DNAH1: variants seen among roughly 807,000 people sequenced by gnomAD.
The protein encoded by DNAH1 is dynein axonemal heavy chain 1, also known as axonemal beta dynein heavy chain 1.
In DNAH1, 327 loss-of-function variants were observed where a neutral mutation model predicts 484.3. The observed-to-expected ratio is 0.68, with a 90% CI of 0.62 to 0.74. The LOEUF (loss-of-function observed/expected upper bound fraction) is 0.74. DNAH1 is among the 30% of genes least tolerant of loss of function. The pLI is 0.00. For missense variants in DNAH1, 5,052 were observed against 5,546.8 expected, an observed-to-expected ratio of 0.91 and a Z score of 2.83; for synonymous variants, 2,192 against 2,191.9, an observed-to-expected ratio of 1.00 and a Z score of 0.00.
chr3:52,397,023 C>T lies in DNAH1; in HGVS notation c.11766C>T (p.Ile3922=). 1 of 1,608,704 alleles carries T rather than the reference C, an allele frequency of 6.2e-7. No individual in the cohort carries two copies. Among genetic ancestry groups the T allele is most frequent in the Non-Finnish European group, 8.5e-7 (1 of 1,177,688 alleles). Residue 3922 remains isoleucine, a synonymous_variant, in exon 73 of 78, where the codon ATC becomes ATT. Coordinates refer to ENST00000420323, the MANE Select transcript of DNAH1 (RefSeq NM_015512.5). ...SYSASGIYHQ[I]PPTYDLHGYL... ...GCGCCTCGGGCATCTACCACCAGAT[C>T]CCGCCTACCTACGACCTCCACGTGA...
At chr3:52,396,185 G>A (rs1704615423) in intron 70 of DNAH1, among the ~76,000 whole-genome samples, 183 bp from the exon 71 acceptor site, 1 of 152,030 alleles carries the variant, frequency 6.6e-6, no homozygotes, top group Admixed American at 6.5e-5. Context: ...CGCCTGCCTT[G>A]GCCTTCCAAA....
At chr3:52,331,110 G>C in intron 6 of DNAH1, 38 bp from the exon 7 acceptor site, 1 of 1,555,432 alleles carries the variant, frequency 6.4e-7, no homozygotes, top group Non-Finnish European at 8.7e-7. Context: ...CTGCCCCCAT[G>C]GCGGGGGGCA....
intron 36 of DNAH1, among the ~76,000 whole-genome samples, chr3:52,367,677 G>A (rs550498926): frequency 6.6e-6 from 1 of 151,874 alleles, no homozygotes; most frequent in African/African-American, 2.4e-5. Flanking sequence ...TTGTTCAAGC[G>A]ATTCTCCTGC....
intron 16 of DNAH1, among the ~76,000 whole-genome samples, chr3:52,350,885 G>A (rs975687925): frequency 3.9e-5 from 6 of 152,208 alleles, no homozygotes; most frequent in Non-Finnish European, 8.8e-5. Flanking sequence ...GTTTTGCTTT[G>A]TCACCCAGGC....
rs769481636 is a variant in DNAH1 at position 52,391,332 on chromosome 3, G to C, written c.9891+4G>C. ...GGAGCCAGTGCTGCTCAAGCAGGTG[G>C]GTCTGCAGTGGTGATGGCAGGGTGG... On this transcript the variant is annotated splice_donor_region_variant and intron_variant, in intron 62 of 77. Coordinates refer to ENST00000420323, the MANE Select transcript of DNAH1 (RefSeq NM_015512.5). The C allele has an allele frequency of 1.2e-6, 2 of 1,605,122 alleles. No individual in the cohort carries two copies. The highest frequency in any genetic ancestry group is 1.7e-4 in the Middle Eastern group (1 of 6,046).
In DNAH1 at chr3:52,351,948, C is replaced by G. The variant is rs183881345; in HGVS notation, c.2730-14C>G. 3.8e-6 allele frequency: 6 copies of G among 1,596,622 alleles called. No individual in the cohort carries two copies. In the African/African-American group the frequency reaches 6.7e-5, roughly 18 times the overall value. On this transcript the variant is annotated splice_polypyrimidine_tract_variant and intron_variant, in intron 16 of 77. Coordinates refer to ENST00000420323, the MANE Select transcript of DNAH1 (RefSeq NM_015512.5). Reference sequence around the variant, plus strand: ...CGCGATATTTCTCCCAATCCCCACCCCCATCCCGGCCAGATGGATTGCCAG... The same window carrying G: ...CGCGATATTTCTCCCAATCCCCACCGCCATCCCGGCCAGATGGATTGCCAG...
At chr3:52,399,876 G>A in intron 77 of DNAH1, 97 bp downstream of exon 77, 1 of 1,298,088 alleles carries the variant, frequency 7.7e-7, no homozygotes, top group Admixed American at 2.1e-5. Flanking sequence ...AGCTGAACAA[G>A]GAAGGACAAC....
At position 52,354,706 on chromosome 3, in the gene DNAH1, A is replaced by C. The variant is rs373563155; in HGVS notation, c.3481-137A>C. 682 of 725,318 alleles carry C rather than the reference A, an allele frequency of 9.4e-4. 17 individuals are homozygous for C. The South Asian group carries it at 0.012, about 13-fold the overall frequency. The allele number at this position is 725,318 out of a possible 1,614,324, so 44.9% of individuals were successfully genotyped here. A position where few individuals can be genotyped will look rare whatever the true frequency, so the allele number is the denominator to read the frequency against. ...GCTCACACGGGACTTGTTGCCAGACAAGCCGAGAGTATTTGCCAGAGCGGC... is the reference window on the plus strand; with the variant it reads ...GCTCACACGGGACTTGTTGCCAGACCAGCCGAGAGTATTTGCCAGAGCGGC... On this transcript the variant is annotated intron_variant, in intron 20 of 77. Coordinates refer to ENST00000420323, the MANE Select transcript of DNAH1 (RefSeq NM_015512.5).
At chr3:52,369,197 A>G (rs1703212870) in intron 37 of DNAH1, among the ~76,000 whole-genome samples, 1 of 152,122 alleles carries the variant, frequency 6.6e-6, no homozygotes, top group Non-Finnish European at 1.5e-5. Flanking sequence ...GCCCACCAGG[A>G]TGCCTGTCCC....
intron 41 of DNAH1, 36 bp from the exon 42 acceptor site, chr3:52,371,910 G>A (rs1267339362): frequency 2.5e-6 from 4 of 1,607,386 alleles, no homozygotes; most frequent in Non-Finnish European, 3.4e-6. Flanking sequence ...GCAGGGAGGG[G>A]TTCCAGGCCC....
At chr3:52,315,987 C>G (rs1215011672), upstream of DNAH1, among the ~76,000 whole-genome samples, 1 of 152,172 alleles carries the variant, frequency 6.6e-6, no homozygotes, top group Admixed American at 6.5e-5. Context: ...GACCCCCACC[C>G]CTCAAGTCCA....
Position 52,395,698 on chromosome 3 carries a change from A to G in DNAH1, c.11259+20A>G. The G allele has an allele frequency of 1.9e-6, 3 of 1,609,550 alleles. No homozygotes were observed. In the East Asian group the frequency reaches 6.7e-5, roughly 36 times the overall value. On this transcript the variant is annotated intron_variant, in intron 70 of 77. Transcript: ENST00000420323. The surrounding 1 kb of genome is among the most constrained non-coding windows in gnomAD (Gnocchi z 4.4). ...GACAAGGTGTGTTGCCCTGCCCATC[A>G]CAGACCCAGTGGGGCCGCCTCTGCA...
chr3:52,351,939 A>G (rs2153224017), intron 16 of DNAH1, 23 bp from the exon 17 acceptor site: 1 of 1,593,200 alleles, frequency 6.3e-7, no homozygotes, highest in East Asian at 2.3e-5. Flanking sequence ...ATTTCTCCCA[A>G]TCCCCACCCC....
intron 46 of DNAH1, 113 bp downstream of exon 46, chr3:52,376,106 T>C (rs1037373028): frequency 1.5e-6 from 2 of 1,354,118 alleles, no homozygotes; most frequent in African/African-American, 3.0e-5. Context: ...CTCAGGTTCA[T>C]GCAGGGACCT....
rs1701330084 is a variant in DNAH1 at position 52,326,154 on chromosome 3, G to C, written c.421G>C (p.Val141Leu). ...KFTPRVGSFE[V>L]PEDFQERMEQ... Reference sequence around the variant, plus strand: ...TCTACCTGCAGTCGGAAGCTTTGAGGTTCCTGAAGACTTCCAGGAGCGCAT... The same window carrying C: ...TCTACCTGCAGTCGGAAGCTTTGAGCTTCCTGAAGACTTCCAGGAGCGCAT... The change falls in exon 4 of 78, where the codon GTT becomes CTT. Residue 141 changes from valine to leucine, a missense_variant. Val to Leu is a conservative substitution (Grantham distance 32). Coordinates refer to ENST00000420323, the MANE Select transcript of DNAH1 (RefSeq NM_015512.5). 6.2e-7 allele frequency: 1 copy of C among 1,607,358 alleles called. No individual in the cohort carries two copies. The highest frequency in any genetic ancestry group is 1.7e-5 in the Admixed American group (1 of 59,460).
chr3:52,325,164 G>T (rs150860332), intron 3 of DNAH1, among the ~76,000 whole-genome samples: 2 of 152,332 alleles, frequency 1.3e-5, no homozygotes, highest in African/African-American at 4.8e-5. Context: ...GGTGAGAGCA[G>T]ACTCCAGCTA....
intron 62 of DNAH1, 43 bp downstream of exon 62, chr3:52,391,371 C>T: frequency 2.5e-6 from 4 of 1,592,132 alleles, no homozygotes; most frequent in Admixed American, 1.8e-5. Flanking sequence ...TAGGCCTGGA[C>T]AGGGCAGTCC....
In DNAH1 at chr3:52,379,595, G is replaced by C. The variant is rs1296494479; in HGVS notation, c.7378-310G>C. Among the ~76,000 whole-genome samples, 6 of 152,148 alleles carry C rather than the reference G, an allele frequency of 3.9e-5. No homozygotes were observed. The highest frequency in any genetic ancestry group is 1.4e-4 in the African/African-American group (6 of 41,428). On this transcript the variant is annotated intron_variant, in intron 47 of 77. Transcript: ENST00000420323. The surrounding 1 kb of genome is among the most constrained non-coding windows in gnomAD (Gnocchi z 4.4). ...GTTTGGGGTTAGGGGAGCGACAGGG[G>C]GCTAAAAGGTGGAAGTGAGGTGCTT...
At chr3:52,314,960 C>T (rs1047385453), upstream of DNAH1, among the ~76,000 whole-genome samples, 1 of 152,200 alleles carries the variant, frequency 6.6e-6, no homozygotes, top group Non-Finnish European at 1.5e-5. Context: ...CTACTCCTTG[C>T]TTGAGCTCTG....
Sources: allele counts gnomAD v4.1 joint callset (sites outside exome capture counted in the v4.1 genomes callset), GRCh38; gene constraint gnomAD v4.1.1; non-coding constraint Gnocchi (gnomAD v3.1); transcripts MANE v1.5; gene names NCBI Gene and HGNC (gene_info 2026-07-23, HGNC 2026-07-21).